PCNX3: variants seen among roughly 807,000 people sequenced by gnomAD.
The protein encoded by PCNX3 is pecanex-like protein 3.
In PCNX3, 58 loss-of-function variants were observed where a neutral mutation model predicts 207.2. The ratio of observed to expected loss-of-function variants is 0.28; its 90% confidence interval spans 0.23 to 0.35. PCNX3 has a LOEUF of 0.35. Among genes scored for constraint, PCNX3 ranks in the 10% least tolerant of loss-of-function variants. The pLI is 1.00. For synonymous variants in PCNX3, 1,337 were observed against 1,183.5 expected, an observed-to-expected ratio of 1.13 and a Z score of -2.66; for missense variants, 2,410 against 2,774.4, an observed-to-expected ratio of 0.87 and a Z score of 2.95.
In PCNX3 at chr11:65,619,846, T is replaced by C; in HGVS notation, c.1922T>C (p.Leu641Pro). Residue 641 changes from leucine to proline, a missense_variant, in exon 8 of 35, where the codon CTC (leucine) becomes CCC (proline). Physicochemically the swap from Leu to Pro is moderately conservative, Grantham distance 98 (BLOSUM62 -3). Transcript: ENST00000355703. The part of the protein sequence containing the change: ...SALHFASSLL[L>P]TRAGANVHEA... ...CTGCATTTCGCCTCTTCACTGTTGC[T>C]CACCCGGGCCGGTGCCAATGTGCAT... 1 of 1,609,140 alleles carries C rather than the reference T, an allele frequency of 6.2e-7. No individual in the cohort carries two copies. The highest frequency in any genetic ancestry group is 1.1e-5 in the South Asian group (1 of 90,726).
chr11:65,636,480 C>T lies in PCNX3; in HGVS notation c.5683C>T (p.Leu1895=), dbSNP rs1565174847. 5.1e-6 allele frequency: 8 copies of T among 1,570,676 alleles called. No individual in the cohort carries two copies. Among genetic ancestry groups the T allele is most frequent in the African/African-American group, 2.7e-5 (2 of 72,968 alleles). Residue 1895 remains leucine (L), a synonymous_variant, in exon 34 of 35, where the codon CTG becomes TTG. Coordinates refer to ENST00000355703, the MANE Select transcript of PCNX3 (RefSeq NM_032223.4). ...GSGDGRPPPL[L]QWPPPRLPGP... ...TGGTGATGGGCGGCCCCCACCTCTGCTGCAGTGGCCTCCCCCTCGGCTCCC... is the reference window on the plus strand; with the variant it reads ...TGGTGATGGGCGGCCCCCACCTCTGTTGCAGTGGCCTCCCCCTCGGCTCCC...
intron 20 of PCNX3, 137 bp downstream of exon 20, chr11:65,626,191 C>G (rs773242374): frequency 1.6e-6 from 2 of 1,225,770 alleles, no homozygotes; most frequent in South Asian, 2.6e-5. Context: ...TGCTCCCTCC[C>G]TGCCCTCTGT....
At chr11:65,620,272 C>T (rs1397574844) in intron 8 of PCNX3, 67 bp from the exon 9 acceptor site, 5 of 1,466,408 alleles carry the variant, frequency 3.4e-6, no homozygotes, top group Non-Finnish European at 4.6e-6. Context: ...GGTCTGGTGC[C>T]CACGTGAGCC....
Position 65,625,124 on chromosome 11 carries a change from C to T in PCNX3, c.2920-47C>T, listed in dbSNP as rs1422230668. ...CTTCTCACACGGGGGCAGCCCGGGC[C>T]CCATGCTTACCTCACCTCCCCTGAC... On this transcript the variant is annotated intron_variant, in intron 16 of 34. Coordinates refer to ENST00000355703, the MANE Select transcript of PCNX3 (RefSeq NM_032223.4). The surrounding 1 kb of genome is among the most constrained non-coding windows in gnomAD (Gnocchi z 5.6). The T allele has an allele frequency of 1.3e-6, 2 of 1,561,282 alleles. No individual in the cohort carries two copies. Among genetic ancestry groups the T allele is most frequent in the Admixed American group, 3.5e-5 (2 of 57,244 alleles).
chr11:65,617,405 C>T (rs1414348715), intron 3 of PCNX3, 56 bp downstream of exon 3: 4 of 1,613,366 alleles, frequency 2.5e-6, no homozygotes, highest in Non-Finnish European at 1.7e-6. Context: ...CCAGTCCCTA[C>T]TGTGGGTGCA....
chr11:65,635,194 C>G lies in PCNX3; in HGVS notation c.4954-24C>G, dbSNP rs1242450929. The G allele has an allele frequency of 6.3e-7, 1 of 1,594,970 alleles. No individual in the cohort carries two copies. The highest frequency in any genetic ancestry group is 1.1e-5 in the South Asian group (1 of 89,084). On this transcript the variant is annotated intron_variant, in intron 30 of 34. Coordinates refer to ENST00000355703, the MANE Select transcript of PCNX3 (RefSeq NM_032223.4). The surrounding 1 kb of genome is among the most constrained non-coding windows in gnomAD (Gnocchi z 9.9). ...TCTCTCCAGGGCAGGGGCCACTGAC[C>G]CCTGTTCCCGTCTTCTCTACCAGGA...
chr11:65,626,793 C>A lies in PCNX3; in HGVS notation c.3380-111C>A, dbSNP rs566531896. The A allele has an allele frequency of 2.7e-6, 4 of 1,488,092 alleles. No homozygotes were observed. The African/African-American group carries it at 4.2e-5, about 16-fold the overall frequency. The allele number at this position is 1,488,092 out of a possible 1,614,324, so 92.2% of individuals were successfully genotyped here. The stretch of plus-strand genomic sequence containing the variant: ...AGCTGCCACAGATCAGCCCCTCCCC[C>A]CAGGGTCTCCGAGGAGTCAGGACCG... On this transcript the variant is annotated intron_variant, in intron 20 of 34. Transcript: ENST00000355703.
chr11:65,633,969 C>T, intron 27 of PCNX3, 157 bp from the exon 28 acceptor site: 1 of 696,372 alleles, frequency 1.4e-6, no homozygotes, highest in South Asian at 1.9e-5. Context: ...AGCCAACTTG[C>T]TTGGTTGCTC....
rs778102510 is a variant in PCNX3 at position 65,629,307 on chromosome 11, CCT to C, written c.3942-45_3942-44del. 39 of 1,562,524 alleles carry C rather than the reference CCT, an allele frequency of 2.5e-5. 1 individual carries two copies. The Admixed American group carries it at 6.9e-4, about 27-fold the overall frequency. ...CAGGGAGAGCATGAGCAGGGTGCACCCTCTCTTCACCTTCTTGGCCAACCGCC... is the reference window on the plus strand; with the variant it reads ...CAGGGAGAGCATGAGCAGGGTGCACCCTCTTCACCTTCTTGGCCAACCGCC... On this transcript the variant is annotated intron_variant, in intron 24 of 34. Coordinates refer to ENST00000355703, the MANE Select transcript of PCNX3 (RefSeq NM_032223.4).
At position 65,618,892 on chromosome 11, in the gene PCNX3, G is replaced by A. The variant is rs1416548944; in HGVS notation, c.1530G>A (p.Gly510=). The change falls in exon 6 of 35, where the codon GGG becomes GGA. Residue 510 remains glycine (G), a synonymous_variant. Coordinates refer to ENST00000355703, the MANE Select transcript of PCNX3 (RefSeq NM_032223.4). ...GTGTGCTGAGCATGGATGGGGCTGG[G>A]GGTGATGTTCTGAGGCCCCCACTGG... The part of the protein sequence containing the change: ...HARVLSMDGA[G]GDVLRPPLAG... 1 of 1,609,988 alleles carries A rather than the reference G, an allele frequency of 6.2e-7. No homozygotes were observed. The highest frequency in any genetic ancestry group is 2.2e-5 in the East Asian group (1 of 44,770).
In PCNX3 at chr11:65,618,762, A is replaced by G; in HGVS notation, c.1400A>G (p.Lys467Arg). 1 of 1,611,686 alleles carries G rather than the reference A, an allele frequency of 6.2e-7. No homozygotes were observed. Among genetic ancestry groups the G allele is most frequent in the Non-Finnish European group, 8.5e-7 (1 of 1,179,316 alleles). ...SSRGAAGGPR[K>R]RRAPHGAEEG... ...CGGGGTGCAGCAGGGGGACCCCGGA[A>G]GCGGAGGGCCCCCCATGGGGCTGAG... Residue 467 changes from lysine to arginine, a missense_variant, in exon 6 of 35, where the codon AAG becomes AGG. Around this residue, in one of 8 missense-constraint regions of PCNX3, gnomAD observed 1,104 missense variants for 970.3 expected, o/e 1.14. Transcript: ENST00000355703.
At position 65,630,356 on chromosome 11, in the gene PCNX3, T is replaced by C; in HGVS notation, c.4222T>C (p.Tyr1408His). The change falls in exon 27 of 35, where the codon TAC becomes CAC. Residue 1408 changes from tyrosine (Y) to histidine (H), a missense_variant. Tyr to His is a moderately conservative substitution (Grantham distance 83). This residue lies in a region of PCNX3 where 420 missense variants were observed against 705.3 expected (regional missense o/e 0.60). Coordinates refer to ENST00000355703, the MANE Select transcript of PCNX3 (RefSeq NM_032223.4). ...QLRGLEFRGT[Y>H]CQQREVEAIT... ...TGCACACCCCTCCTCCACAGGCACT[T>C]ACTGCCAGCAGCGCGAGGTGGAGGC... The C allele has an allele frequency of 6.2e-7, 1 of 1,613,020 alleles. No homozygotes were observed. Among genetic ancestry groups the C allele is most frequent in the Non-Finnish European group, 8.5e-7 (1 of 1,179,812 alleles).
intron 10 of PCNX3, 53 bp downstream of exon 10, chr11:65,621,019 G>T: frequency 6.7e-7 from 1 of 1,486,048 alleles, no homozygotes; most frequent in South Asian, 1.3e-5. Flanking sequence ...GGGGCGGGCA[G>T]ATCACTGAGT....
chr11:65,629,342 ACT>A lies in PCNX3; in HGVS notation c.3942-8_3942-7del, dbSNP rs751683098. On this transcript the variant is annotated splice_polypyrimidine_tract_variant and intron_variant, in intron 24 of 34. Transcript: ENST00000355703. ...CCTTCTTGGCCAACCGCCTTGTTGC[ACT>A]CTCTCTGAACAGCACTAAACGTGTG... The A allele has an allele frequency of 3.5e-5, 56 of 1,607,260 alleles. No individual in the cohort carries two copies. Among genetic ancestry groups the A allele is most frequent in the Non-Finnish European group, 4.5e-5 (53 of 1,176,828 alleles).
chr11:65,626,137 C>T (rs2135448224), intron 20 of PCNX3, 83 bp downstream of exon 20: 1 of 1,524,910 alleles, frequency 6.6e-7, no homozygotes, highest in African/African-American at 1.4e-5. Context: ...CCTCTCGGCT[C>T]AGGAGTGCCA....
At chr11:65,623,359 C>T (rs749368394) in intron 11 of PCNX3, 132 bp from the exon 12 acceptor site, 5 of 1,221,384 alleles carry the variant, frequency 4.1e-6, no homozygotes, top group Non-Finnish European at 5.5e-6. Context: ...TAGGTGTTCA[C>T]ATCTTCAGAG....
chr11:65,620,947 T>G lies in PCNX3; in HGVS notation c.2216T>G (p.Val739Gly), dbSNP rs2135420229. 1 of 1,549,784 alleles carries G rather than the reference T, an allele frequency of 6.5e-7. No individual in the cohort carries two copies. Among genetic ancestry groups the G allele is most frequent in the Non-Finnish European group, 8.7e-7 (1 of 1,146,738 alleles). The stretch of plus-strand genomic sequence containing the variant: ...CTGCAGGGCATGCAGGTGCGCCGGG[T>G]GCCCCTGGAGATCCCGGAGGTGAGG... ...VVLQGMQVRR[V>G]PLEIPEEQTL... The change falls in exon 10 of 35, where the codon GTG becomes GGG. Residue 739 changes from valine to glycine, a missense_variant. Physicochemically the swap from Val to Gly is moderately radical, Grantham distance 109. Coordinates refer to ENST00000355703, the MANE Select transcript of PCNX3 (RefSeq NM_032223.4).
Position 65,636,591 on chromosome 11 carries a change from C to T in PCNX3, c.5794C>T (p.Pro1932Ser), listed in dbSNP as rs764496098. ...PGPGLLSSEGPSGKWSLGGRK... is the reference protein window; with the variant it reads ...PGPGLLSSEGSSGKWSLGGRK... ...CCCGGGTCTCCTCAGTTCTGAGGGC[C>T]CCAGTGGAAAGTGGAGCCTGGGGGG... Residue 1932 changes from proline to serine, a missense_variant, in exon 34 of 35, where the codon CCC becomes TCC. Physicochemically the swap from Pro to Ser is moderately conservative, Grantham distance 74. This residue lies in a region of PCNX3 where 278 missense variants were observed against 245.1 expected (regional missense o/e 1.13). Coordinates refer to ENST00000355703, the MANE Select transcript of PCNX3 (RefSeq NM_032223.4). 1 of 1,592,130 alleles carries T rather than the reference C, an allele frequency of 6.3e-7. No individual in the cohort carries two copies. Among genetic ancestry groups the T allele is most frequent in the South Asian group, 1.1e-5 (1 of 88,542 alleles).
At chr11:65,619,258 C>T (rs1041221755) in intron 6 of PCNX3, 191 bp downstream of exon 6, 6 of 340,594 alleles carry the variant, frequency 1.8e-5, no homozygotes, top group Non-Finnish European at 2.5e-5. Context: ...CCACCTGGCT[C>T]CACATCCTTG....
Sources: gnomAD v4.1 joint callset for allele counts on GRCh38, gnomAD v4.1.1 for gene constraint, gnomAD v4.1.1 regional missense constraint, Gnocchi (gnomAD v3.1) non-coding constraint, MANE v1.5 for transcripts, NCBI Gene and HGNC (gene_info 2026-07-23, HGNC 2026-07-21) for gene names.